The following PALM2AKAP2 variants were observed in gnomAD, a reference collection of about 807,000 sequenced individuals.
The protein encoded by PALM2AKAP2 is PALM2-AKAP2 fusion protein.
In PALM2AKAP2, 37 loss-of-function variants were observed where a neutral mutation model predicts 71.5. That is an observed-to-expected ratio of 0.52 (90% CI 0.40 to 0.68). The LOEUF is 0.68. Ranked by LOEUF, PALM2AKAP2 falls within the 30% of genes least tolerant of loss-of-function variation. PALM2AKAP2 has a pLI of 0.00. For synonymous variants in PALM2AKAP2, 468 were observed against 478.8 expected (o/e 0.98, Z 0.29); for missense variants, 1,224 against 1,191.8 (o/e 1.03, Z -0.40).
At chr9:110,032,989 T>G (rs903336648) in intron 7 of PALM2AKAP2, among the ~76,000 whole-genome samples, 13 of 152,138 alleles carry the variant, frequency 8.5e-5, no homozygotes, top group African/African-American at 3.1e-4. Context: ...CATACCATAT[T>G]TAAGCAGGGT....
chr9:109,871,485 C>T (rs1829601460), intron 2 of PALM2AKAP2, among the ~76,000 whole-genome samples: 1 of 151,830 alleles, frequency 6.6e-6, no homozygotes, highest in African/African-American at 2.4e-5. Flanking sequence ...TTGATGATTA[C>T]AAAAGGAAAG....
chr9:110,137,288 T>C, exon 2 of PALM2AKAP2: 1 of 1,614,192 alleles, frequency 6.2e-7, no homozygotes, highest in Non-Finnish European at 8.5e-7. Flanking sequence ...CAGGCTGTTC[T>C]CCATCAAGCC....
chr9:109,654,162 CAT>C (rs374938129), intron 1 of PALM2AKAP2, among the ~76,000 whole-genome samples: 1 of 152,124 alleles, frequency 6.6e-6, no homozygotes, highest in African/African-American at 2.4e-5. Context: ...TTTATGGCCT[CAT>C]GTGGCTGTAA....
chr9:109,781,340 G>A (rs1829445901), intron 1 of PALM2AKAP2, among the ~76,000 whole-genome samples: 1 of 152,170 alleles, frequency 6.6e-6, no homozygotes. Flanking sequence ...ACCACAGCTG[G>A]ATTATATATT....
chr9:109,940,877 C>T (rs1268334394), intron 6 of PALM2AKAP2, among the ~76,000 whole-genome samples: 1 of 152,180 alleles, frequency 6.6e-6, no homozygotes, highest in Non-Finnish European at 1.5e-5. Flanking sequence ...TTTCTAAAGA[C>T]ACAAGGAACC....
chr9:109,641,029 G>A (rs1670084232), intron 1 of PALM2AKAP2, among the ~76,000 whole-genome samples: 1 of 152,250 alleles, frequency 6.6e-6, no homozygotes, highest in African/African-American at 2.4e-5. Context: ...CGCGGCGGCA[G>A]GAGGCAAGGG....
At chr9:109,876,370 G>A (rs1829721636) in intron 2 of PALM2AKAP2, among the ~76,000 whole-genome samples, 1 of 152,142 alleles carries the variant, frequency 6.6e-6, no homozygotes, top group Non-Finnish European at 1.5e-5. Flanking sequence ...CATGACTTTG[G>A]AGCCAAGTAG....
intron 1 of PALM2AKAP2, among the ~76,000 whole-genome samples, chr9:110,129,107 G>T (rs1463374675): frequency 6.6e-6 from 1 of 152,194 alleles, no homozygotes; most frequent in African/African-American, 2.4e-5. Flanking sequence ...TCAGAGACCA[G>T]CCCAGAGGGT....
upstream of PALM2AKAP2, among the ~76,000 whole-genome samples, chr9:110,044,391 G>T (rs1197857310): frequency 8.8e-6 from 1 of 114,138 alleles, no homozygotes; most frequent in African/African-American, 3.5e-5. Context: ...TCCCTCTGTC[G>T]CCCAGGCTGA....
At chr9:109,808,207 T>G (rs2094454) in intron 1 of PALM2AKAP2, among the ~76,000 whole-genome samples, 92,431 of 151,976 alleles carry the variant, frequency 0.61, 29,514 homozygotes, top group African/African-American at 0.81. Flanking sequence ...CAGTTTGGAG[T>G]GCTCAGAAGA....
chr9:109,940,105 T>G (rs1831324982), intron 6 of PALM2AKAP2, among the ~76,000 whole-genome samples: 1 of 152,220 alleles, frequency 6.6e-6, no homozygotes, highest in African/African-American at 2.4e-5. Flanking sequence ...GACTCTTGAA[T>G]TATTAGCCTT....
intron 2 of PALM2AKAP2, among the ~76,000 whole-genome samples, chr9:110,142,535 G>A (rs138932173): frequency 6.6e-6 from 1 of 152,296 alleles, no homozygotes; most frequent in African/African-American, 2.4e-5. Context: ...AACAAATGAG[G>A]CAATTTTATG....
intron 1 of PALM2AKAP2, among the ~76,000 whole-genome samples, chr9:110,109,557 G>T (rs1477377092): frequency 6.6e-6 from 1 of 152,108 alleles, no homozygotes; most frequent in East Asian, 1.9e-4. Flanking sequence ...GGCAAACCCT[G>T]CCCTCAGGGA....
At chr9:110,023,305 C>CTTTTCTTTTTTT (rs1371633641) in intron 7 of PALM2AKAP2, among the ~76,000 whole-genome samples, 1 of 74,038 alleles carries the variant, frequency 1.4e-5, no homozygotes, top group African/African-American at 6.2e-5. Context: ...ATTGTGGTTT[C>CTTTTCTTTTTTT]TTTTTTTTTT....
At chr9:109,777,734 G>A (rs1829367986), upstream of PALM2AKAP2, among the ~76,000 whole-genome samples, 3 of 152,080 alleles carry the variant, frequency 2.0e-5, no homozygotes, top group Admixed American at 2.0e-4. Flanking sequence ...AGAAGCATAT[G>A]ACCCTGTTGA....
At position 109,867,443 on chromosome 9, in the gene PALM2AKAP2, G is replaced by T. The variant is rs537764976; in HGVS notation, c.46-48G>T. 39 of 1,602,022 alleles carry T rather than the reference G, an allele frequency of 2.4e-5. No homozygotes were observed. The South Asian group carries it at 3.8e-4, about 15-fold the overall frequency. Reference sequence around the variant, plus strand: ...GCTGCTTTCTGCCTTAAAATTTCTGGAGCCAACACCCACCCACTCTTACAG... The same window carrying T: ...GCTGCTTTCTGCCTTAAAATTTCTGTAGCCAACACCCACCCACTCTTACAG... On this transcript the variant is annotated intron_variant, in intron 1 of 9. Transcript: ENST00000302798.
intron 1 of PALM2AKAP2, among the ~76,000 whole-genome samples, chr9:109,717,581 T>C (rs576777084): frequency 6.6e-6 from 1 of 152,324 alleles, no homozygotes; most frequent in South Asian, 2.1e-4. Context: ...CATATAAAGA[T>C]AGCACTAGAC....
At position 109,711,728 on chromosome 9, in the gene PALM2AKAP2, A is replaced by G. The variant is rs529040989; in HGVS notation, c.6-68760A>G. The stretch of plus-strand genomic sequence containing the variant: ...AGAAAGCTTAGGCTCCACTTATGGC[A>G]CAGAGAGCTAAACATACATCAGCTT... On this transcript the variant is annotated intron_variant, in intron 1 of 6. Transcript: ENST00000374531. Among the ~76,000 whole-genome samples the G allele has an allele frequency of 2.0e-5, 3 of 152,198 alleles. No homozygotes were observed. In the South Asian group the frequency reaches 6.2e-4, roughly 32 times the overall value.
At chr9:109,790,175 C>T (rs1827077198) in intron 1 of PALM2AKAP2, among the ~76,000 whole-genome samples, 1 of 152,152 alleles carries the variant, frequency 6.6e-6, no homozygotes, top group African/African-American at 2.4e-5. Context: ...TCTTCCTGTC[C>T]ATCATTTCCC....
Sources: gnomAD v4.1 joint callset for allele counts (sites outside exome capture counted in the v4.1 genomes callset) on GRCh38, gnomAD v4.1.1 for gene constraint, MANE v1.5 for transcripts, NCBI Gene and HGNC (gene_info 2026-07-23, HGNC 2026-07-21) for gene names.